Variants in RALYL observed in about 807,000 individuals in gnomAD.
The protein encoded by RALYL is RNA-binding Raly-like protein.
Under a neutral mutation model 35.1 loss-of-function variants are expected in RALYL, and 29 were observed. That is an observed-to-expected ratio of 0.83 (90% confidence interval 0.61 to 1.13). The LOEUF is 1.13. Among genes scored for constraint, RALYL ranks in the 50% most tolerant of loss-of-function variants. The pLI, the probability that RALYL is intolerant of heterozygous loss-of-function variation, is 0.00. For synonymous variants in RALYL, 120 were observed against 127.6 expected (o/e 0.94, Z 0.40); for missense variants, 359 against 360.4 (o/e 1.00, Z 0.03).
At chr8:84,411,197 T>A (rs547278551) in intron 1 of RALYL, among the ~76,000 whole-genome samples, 1 of 152,038 alleles carries the variant, frequency 6.6e-6, no homozygotes, top group South Asian at 2.1e-4. Context: ...ATTAAGAATA[T>A]CTACCCCAAT....
chr8:84,838,712 T>A (rs906569115), intron 4 of RALYL, among the ~76,000 whole-genome samples: 4 of 152,222 alleles, frequency 2.6e-5, no homozygotes, highest in Admixed American at 2.0e-4. Flanking sequence ...AAAAGCAGGT[T>A]GGACAAGATA....
rs570863896 is a variant in RALYL at position 84,516,812 on chromosome 8, G to A, written c.-23-12487G>A. 6.4e-4 allele frequency among the ~76,000 whole-genome samples: 98 copies of A among 152,082 alleles called. 2 individuals carry two copies. The South Asian group carries it at 0.02, about 31-fold the overall frequency. ...TGCTGAGAGGTCTAGAGCTGATATG[G>A]GTATTCTATCTTCTTATTTTAATAC... On this transcript the variant is annotated intron_variant, in intron 1 of 8. Transcript: ENST00000521268.
intron 1 of RALYL, among the ~76,000 whole-genome samples, chr8:84,322,624 C>A (rs1845073297): frequency 6.6e-6 from 1 of 152,112 alleles, no homozygotes; most frequent in South Asian, 2.1e-4. Context: ...TTTGTTGACT[C>A]TTTAAATATG....
intron 4 of RALYL, among the ~76,000 whole-genome samples, chr8:84,844,541 C>CCAAT (rs1220905960): frequency 6.6e-6 from 1 of 152,168 alleles, no homozygotes; most frequent in Non-Finnish European, 1.5e-5. Flanking sequence ...CTAGTTCGAC[C>CCAAT]ATTGTGGAAG....
At chr8:84,655,517 CG>C (rs1366416918) in intron 2 of RALYL, among the ~76,000 whole-genome samples, 5 of 152,030 alleles carry the variant, frequency 3.3e-5, no homozygotes, top group Admixed American at 1.3e-4. Flanking sequence ...TTAGTAGAGA[CG>C]GGGTTTTGCC....
chr8:84,478,416 A>G (rs1235387817), intron 1 of RALYL, among the ~76,000 whole-genome samples: 1 of 152,236 alleles, frequency 6.6e-6, no homozygotes, highest in Non-Finnish European at 1.5e-5. Flanking sequence ...GAATAAAAGA[A>G]TAGAAAAGTT....
At chr8:84,539,757 G>A (rs1316439707) in intron 2 of RALYL, among the ~76,000 whole-genome samples, 1 of 150,216 alleles carries the variant, frequency 6.7e-6, no homozygotes, top group East Asian at 1.9e-4. Context: ...TAATCCCACA[G>A]GATTTGTTGA....
intron 2 of RALYL, among the ~76,000 whole-genome samples, chr8:84,600,918 T>C (rs1815785936): frequency 6.6e-6 from 1 of 152,090 alleles, no homozygotes; most frequent in African/African-American, 2.4e-5. Context: ...ATCATGATGC[T>C]ATTGGTTATC....
chr8:84,494,441 A>G (rs897362225), intron 1 of RALYL, among the ~76,000 whole-genome samples: 2 of 152,132 alleles, frequency 1.3e-5, no homozygotes, highest in African/African-American at 2.4e-5. Flanking sequence ...TCTGTGAAGA[A>G]TGTTCATGGT....
chr8:84,493,475 C>T (rs1234757857), intron 1 of RALYL, among the ~76,000 whole-genome samples: 1 of 152,050 alleles, frequency 6.6e-6, no homozygotes, highest in Non-Finnish European at 1.5e-5. Context: ...GGTTCTAAAT[C>T]CTTCAGGAAT....
chr8:84,618,158 A>G (rs1371638668), intron 2 of RALYL, among the ~76,000 whole-genome samples: 2 of 151,806 alleles, frequency 1.3e-5, no homozygotes, highest in South Asian at 2.1e-4. Context: ...GAATAGTTTC[A>G]GAAGGAATGG....
chr8:84,393,004 A>G (rs1040247447), intron 1 of RALYL, among the ~76,000 whole-genome samples: 1 of 152,126 alleles, frequency 6.6e-6, no homozygotes, highest in Non-Finnish European at 1.5e-5. Flanking sequence ...AGAAAGCCAA[A>G]TAAAACAGTC....
At chr8:84,560,318 A>T (rs2061399013) in intron 2 of RALYL, among the ~76,000 whole-genome samples, 1 of 152,028 alleles carries the variant, frequency 6.6e-6, no homozygotes, top group African/African-American at 2.4e-5. Context: ...AAAAGGGGAA[A>T]TTATCAAAAG....
chr8:84,788,675 G>A (rs757079143), intron 3 of RALYL, among the ~76,000 whole-genome samples: 17 of 152,094 alleles, frequency 1.1e-4, no homozygotes, highest in African/African-American at 2.9e-4. Context: ...ACAGTTCAGC[G>A]CAGTCCAGTG....
At chr8:84,891,111 G>A (rs889190431) in intron 8 of RALYL, among the ~76,000 whole-genome samples, 10 of 152,260 alleles carry the variant, frequency 6.6e-5, no homozygotes, top group East Asian at 1.9e-4. Context: ...AGTGATAGAA[G>A]TGGGATCAGT....
Position 84,246,612 on chromosome 8 carries a change from G to A in RALYL, c.-24+62188G>A, listed in dbSNP as rs555423097. Among the ~76,000 whole-genome samples, 116 of 152,238 alleles carry A rather than the reference G, an allele frequency of 7.6e-4. 4 individuals are homozygous for A. In the South Asian group the frequency reaches 0.022, roughly 29 times the overall value. On this transcript the variant is annotated intron_variant, in intron 1 of 8. Coordinates refer to ENST00000521268, the MANE Select transcript of RALYL (RefSeq NM_173848.7). ...AGAAGGCCAATGTGGTTGGAAAAAA[G>A]CGCCTGTGGATAAATGATCTGAGAA...
chr8:84,872,452 C>T (rs896707886), intron 6 of RALYL: 9 of 152,046 alleles, frequency 5.9e-5, no homozygotes, highest in East Asian at 1.9e-4. Context: ...GAATTGTCTT[C>T]GAAATATGAG....
intron 1 of RALYL, among the ~76,000 whole-genome samples, chr8:84,412,124 T>C (rs2044167663): frequency 2.0e-5 from 3 of 151,876 alleles, no homozygotes; most frequent in Admixed American, 6.6e-5. Flanking sequence ...TGAAAACTAA[T>C]TGTGATGTGT....
At chr8:84,369,830 C>T (rs867754691) in intron 1 of RALYL, among the ~76,000 whole-genome samples, 13 of 152,038 alleles carry the variant, frequency 8.6e-5, no homozygotes, top group Non-Finnish European at 1.5e-4. Flanking sequence ...AAAATTCTTA[C>T]GAATTTTTTT....
Sources: allele counts gnomAD v4.1 joint callset (sites outside exome capture counted in the v4.1 genomes callset), GRCh38; gene constraint gnomAD v4.1.1; transcripts MANE v1.5; gene names NCBI Gene and HGNC (gene_info 2026-07-23, HGNC 2026-07-21).